The following SUMF1 variants were observed in gnomAD, a reference collection of about 807,000 sequenced individuals.
The protein encoded by SUMF1 is sulfatase modifying factor 1, also known as formylglycine-generating enzyme.
Under a neutral mutation model 47.6 loss-of-function variants are expected in SUMF1, and 48 were observed. That is an observed-to-expected ratio of 1.01 (90% CI 0.80 to 1.28). SUMF1 has a LOEUF of 1.28. Among genes scored for constraint, SUMF1 ranks in the 50% most tolerant of loss-of-function variants. The pLI, the probability that SUMF1 is intolerant of heterozygous loss-of-function variation, is 0.00. For missense variants in SUMF1, 571 were observed against 485.4 expected, an observed-to-expected ratio of 1.18 and a Z score of -1.66; for synonymous variants, 230 against 192.1, an observed-to-expected ratio of 1.20 and a Z score of -1.63.
At chr3:4,175,638 A>G (rs1694942274) in intron 8 of SUMF1, among the ~76,000 whole-genome samples, 2 of 152,208 alleles carry the variant, frequency 1.3e-5, no homozygotes, top group South Asian at 4.1e-4. Flanking sequence ...TCTTCTCCAA[A>G]GAATCGCAGC....
intron 8 of SUMF1, among the ~76,000 whole-genome samples, chr3:4,132,502 C>T (rs1693816224): frequency 6.6e-6 from 1 of 152,092 alleles, no homozygotes; most frequent in African/African-American, 2.4e-5. Flanking sequence ...TCTCCCATAG[C>T]CAGGATTCAT....
At chr3:4,395,774 A>T (rs1290186806) in intron 7 of SUMF1, among the ~76,000 whole-genome samples, 1 of 152,208 alleles carries the variant, frequency 6.6e-6, no homozygotes, top group Non-Finnish European at 1.5e-5. Context: ...CCAATAATAT[A>T]AGTCACTTTC....
intron 8 of SUMF1, among the ~76,000 whole-genome samples, chr3:4,189,210 G>A (rs1238257619): frequency 6.6e-6 from 1 of 152,076 alleles, no homozygotes; most frequent in Admixed American, 6.6e-5. Flanking sequence ...GGACAGAACA[G>A]GAAAGCCTAT....
At chr3:4,345,294 G>T (rs1228105637) in intron 8 of SUMF1, among the ~76,000 whole-genome samples, 1 of 152,174 alleles carries the variant, frequency 6.6e-6, no homozygotes, top group Non-Finnish European at 1.5e-5. Flanking sequence ...GAAAGGTCAG[G>T]TTACCCACAA....
chr3:4,336,653 A>C (rs1699159092), intron 8 of SUMF1, among the ~76,000 whole-genome samples: 1 of 152,248 alleles, frequency 6.6e-6, no homozygotes, highest in African/African-American at 2.4e-5. Context: ...ATATGGAAAA[A>C]TATATGATAA....
intron 7 of SUMF1, among the ~76,000 whole-genome samples, chr3:4,401,348 T>G (rs1219129126): frequency 6.6e-6 from 1 of 152,098 alleles, no homozygotes; most frequent in Non-Finnish European, 1.5e-5. Context: ...GATCGCTGGG[T>G]CAAATGGTAT....
intron 1 of SUMF1, among the ~76,000 whole-genome samples, chr3:4,456,991 C>CGTGTGTGTATATATATATAT (rs2079663532): frequency 1.9e-5 from 1 of 51,998 alleles, no homozygotes; most frequent in Non-Finnish European, 3.9e-5. Context: ...TATATATATA[C>CGTGTGTGTATATATATATAT]GTGTGTGTAT....
chr3:4,039,232 T>TTTTTTTTA (rs1373084459), intron 9 of SUMF1, among the ~76,000 whole-genome samples: 1 of 128,702 alleles, frequency 7.8e-6, no homozygotes, highest in Non-Finnish European at 1.6e-5. Flanking sequence ...TTTTTTTTTT[T>TTTTTTTTA]TTATTATACT....
intron 8 of SUMF1, among the ~76,000 whole-genome samples, chr3:4,339,174 T>C (rs1007498635): frequency 2.6e-5 from 4 of 152,228 alleles, no homozygotes; most frequent in Admixed American, 2.0e-4. Context: ...GTTTCACTCA[T>C]GCTGCTTTCC....
At chr3:4,334,209 A>G (rs1392243828) in intron 8 of SUMF1, among the ~76,000 whole-genome samples, 1 of 152,216 alleles carries the variant, frequency 6.6e-6, no homozygotes, top group Non-Finnish European at 1.5e-5. Context: ...AAGGCTAGAT[A>G]TCAGCTTCTA....
At chr3:4,282,059 CATT>C (rs1697540597) in intron 8 of SUMF1, among the ~76,000 whole-genome samples, 1 of 152,094 alleles carries the variant, frequency 6.6e-6, no homozygotes, top group South Asian at 2.1e-4. Flanking sequence ...ACTGATTTGT[CATT>C]ATCGTGATAC....
chr3:4,176,741 G>A (rs1266089758), intron 8 of SUMF1, among the ~76,000 whole-genome samples: 1 of 152,096 alleles, frequency 6.6e-6, no homozygotes, highest in African/African-American at 2.4e-5. Context: ...GACACAGACT[G>A]GCAAATTGGA....
intron 8 of SUMF1, among the ~76,000 whole-genome samples, chr3:4,204,356 T>C (rs888240498): frequency 2.0e-5 from 3 of 152,096 alleles, no homozygotes; most frequent in Admixed American, 2.0e-4. Flanking sequence ...GCCAGACATA[T>C]TGGAGCTCCT....
intron 8 of SUMF1, among the ~76,000 whole-genome samples, chr3:4,309,701 G>A (rs1391484748): frequency 6.6e-6 from 1 of 152,146 alleles, no homozygotes; most frequent in East Asian, 1.9e-4. Context: ...GCAGAACTTG[G>A]AAATGCCAGG....
chr3:4,158,858 A>G (rs1694511471), intron 8 of SUMF1, among the ~76,000 whole-genome samples: 1 of 151,340 alleles, frequency 6.6e-6, no homozygotes, highest in South Asian at 2.1e-4. Context: ...CTTTATTTTC[A>G]GTCTGTGTGT....
chr3:4,192,156 T>G (rs1226004095), intron 8 of SUMF1, among the ~76,000 whole-genome samples: 1 of 152,070 alleles, frequency 6.6e-6, no homozygotes, highest in Non-Finnish European at 1.5e-5. Flanking sequence ...GGCCTGAGGT[T>G]TCTAGGCACA....
chr3:4,053,043 A>G (rs1695139146), intron 9 of SUMF1, among the ~76,000 whole-genome samples: 1 of 152,174 alleles, frequency 6.6e-6, no homozygotes, highest in African/African-American at 2.4e-5. Context: ...CAGCTTTTAC[A>G]TACCTTCCTC....
At chr3:4,325,802 A>C (rs1321250484) in intron 8 of SUMF1, among the ~76,000 whole-genome samples, 1 of 152,192 alleles carries the variant, frequency 6.6e-6, no homozygotes, top group East Asian at 1.9e-4. Flanking sequence ...AGAATTCAGA[A>C]TCCAGTCCAA....
At chr3:4,225,231 G>T (rs1696148471) in intron 8 of SUMF1, among the ~76,000 whole-genome samples, 1 of 152,082 alleles carries the variant, frequency 6.6e-6, no homozygotes, top group Non-Finnish European at 1.5e-5. Flanking sequence ...ATTGAGCCTT[G>T]AAGGCTCACA....
Sources: gnomAD v4.1 joint callset for allele counts (sites outside exome capture counted in the v4.1 genomes callset) on GRCh38, gnomAD v4.1.1 for gene constraint, MANE v1.5 for transcripts, NCBI Gene and HGNC (gene_info 2026-07-23, HGNC 2026-07-21) for gene names.